Variants in SH3RF1 observed in about 807,000 individuals in gnomAD.
SH3RF1 encodes the protein E3 ubiquitin-protein ligase SH3RF1.
Under a neutral mutation model 74.0 loss-of-function variants are expected in SH3RF1, and 32 were observed. The observed-to-expected ratio is 0.43, with a 90% CI of 0.33 to 0.58. The LOEUF (loss-of-function observed/expected upper bound fraction) is 0.58. Ranked by LOEUF, SH3RF1 falls within the 20% of genes least tolerant of loss-of-function variation. The pLI, the probability that SH3RF1 is intolerant of heterozygous loss-of-function variation, is 0.05. For synonymous variants in SH3RF1, 396 were observed against 439.6 expected, an observed-to-expected ratio of 0.90 and a Z score of 1.24; for missense variants, 954 against 1,130.9, an observed-to-expected ratio of 0.84 and a Z score of 2.24.
At chr4:169,230,984 G>A (rs1250696649) in intron 2 of SH3RF1, among the ~76,000 whole-genome samples, 4 of 152,044 alleles carry the variant, frequency 2.6e-5, no homozygotes, top group African/African-American at 9.7e-5. Context: ...CAGTGTCTTG[G>A]TCCACTCCTG....
At chr4:169,186,995 A>G (rs1192929286) in intron 2 of SH3RF1, among the ~76,000 whole-genome samples, 1 of 147,810 alleles carries the variant, frequency 6.8e-6, no homozygotes, top group East Asian at 2.1e-4. Flanking sequence ...GCCTGGGGAC[A>G]GAGCGAGGCT....
At chr4:169,180,089 C>T (rs76607764) in intron 2 of SH3RF1, among the ~76,000 whole-genome samples, 3 of 152,334 alleles carry the variant, frequency 2.0e-5, no homozygotes, top group Admixed American at 6.5e-5. Flanking sequence ...ACTTGTAGTT[C>T]CAGTGCTGAA....
chr4:169,107,702 C>T (rs1471818478), intron 10 of SH3RF1, among the ~76,000 whole-genome samples: 1 of 152,192 alleles, frequency 6.6e-6, no homozygotes, highest in Non-Finnish European at 1.5e-5. Flanking sequence ...TAAATGTAAA[C>T]CTGACAGCAC....
chr4:169,168,302 T>C (rs1278630487), intron 2 of SH3RF1, among the ~76,000 whole-genome samples: 2 of 152,192 alleles, frequency 1.3e-5, no homozygotes, highest in Non-Finnish European at 2.9e-5. Flanking sequence ...ACAGAAATGA[T>C]TGTACATAAT....
At chr4:169,121,080 T>C in intron 7 of SH3RF1, 91 bp from the exon 8 acceptor site, 6 of 1,022,194 alleles carry the variant, frequency 5.9e-6, no homozygotes, top group Non-Finnish European at 7.5e-6. Flanking sequence ...GTGTTGAACA[T>C]TTTGTACAAA....
At chr4:169,198,357 A>T (rs1020166966) in intron 2 of SH3RF1, among the ~76,000 whole-genome samples, 1 of 45,430 alleles carries the variant, frequency 2.2e-5, no homozygotes, top group Non-Finnish European at 6.6e-5. Context: ...CTACAAATAG[A>T]GTGTTAAATC....
intron 5 of SH3RF1, among the ~76,000 whole-genome samples, chr4:169,135,299 C>G (rs772780653): frequency 4.6e-5 from 7 of 151,960 alleles, no homozygotes; most frequent in Non-Finnish European, 5.9e-5. Flanking sequence ...TTTTGAGGAC[C>G]AGGACTGGTA....
At chr4:169,208,062 T>C (rs1482778381) in intron 2 of SH3RF1, among the ~76,000 whole-genome samples, 1 of 152,102 alleles carries the variant, frequency 6.6e-6, no homozygotes, top group African/African-American at 2.4e-5. Context: ...TAGGATGCTA[T>C]GCACTAGGTA....
chr4:169,230,227 T>C (rs543650706), intron 2 of SH3RF1, among the ~76,000 whole-genome samples: 1 of 152,208 alleles, frequency 6.6e-6, no homozygotes, highest in South Asian at 2.1e-4. Context: ...AAAAACAATG[T>C]TTAATTCAAT....
chr4:169,222,787 A>G (rs1730588852), intron 2 of SH3RF1, among the ~76,000 whole-genome samples: 1 of 152,272 alleles, frequency 6.6e-6, no homozygotes, highest in African/African-American at 2.4e-5. Flanking sequence ...ATTTTGTGAC[A>G]CTTTAACTTT....
intron 2 of SH3RF1, among the ~76,000 whole-genome samples, chr4:169,168,799 A>G (rs2706713): frequency 0.54 from 81,944 of 152,194 alleles, 24,695 homozygotes; most frequent in East Asian, 0.72. Flanking sequence ...TGGCAATCAA[A>G]TCATCTGAGA....
intron 2 of SH3RF1, among the ~76,000 whole-genome samples, chr4:169,213,845 T>C (rs1434778394): frequency 6.6e-6 from 1 of 152,254 alleles, no homozygotes; most frequent in East Asian, 1.9e-4. Context: ...AGTCTATTTC[T>C]GGGCTCTCTA....
At position 169,149,572 on chromosome 4, in the gene SH3RF1, C is replaced by T. The variant is rs184826227; in HGVS notation, c.765+5908G>A. Among the ~76,000 whole-genome samples the T allele has an allele frequency of 8.5e-5, 13 of 152,318 alleles. No homozygotes were observed. In the East Asian group the frequency reaches 2.5e-3, roughly 29 times the overall value. On this transcript the variant is annotated intron_variant, in intron 4 of 11. Coordinates refer to ENST00000284637, the MANE Select transcript of SH3RF1 (RefSeq NM_020870.4). ...TAATTCTCCCTTACTGACTTCTCAA[C>T]AATGTCTTTAAATTTCACTTACAAA...
chr4:169,135,196 T>C (rs890744129), intron 5 of SH3RF1, among the ~76,000 whole-genome samples: 1 of 93,288 alleles, frequency 1.1e-5, no homozygotes, highest in Admixed American at 1.2e-4. Flanking sequence ...CAAACAAACA[T>C]GAGGCTGAGA....
chr4:169,157,747 C>CA (rs1013928555), intron 2 of SH3RF1, among the ~76,000 whole-genome samples: 2 of 144,986 alleles, frequency 1.4e-5, no homozygotes, highest in Non-Finnish European at 3.0e-5. Flanking sequence ...CTTTTTTTTT[C>CA]TTTTTTTTTT....
chr4:169,253,455 A>G (rs974501890), intron 2 of SH3RF1, among the ~76,000 whole-genome samples: 2 of 152,236 alleles, frequency 1.3e-5, no homozygotes, highest in South Asian at 2.1e-4. Context: ...GTCATGTTTC[A>G]TATCACAGCT....
chr4:169,126,661 G>A (rs1175963620), intron 6 of SH3RF1, among the ~76,000 whole-genome samples: 1 of 152,018 alleles, frequency 6.6e-6, no homozygotes, highest in Non-Finnish European at 1.5e-5. Flanking sequence ...ATGGTTTACT[G>A]CAGTCTCAAC....
At chr4:169,222,273 G>A (rs1273888432) in intron 2 of SH3RF1, among the ~76,000 whole-genome samples, 1 of 152,038 alleles carries the variant, frequency 6.6e-6, no homozygotes, top group East Asian at 1.9e-4. Context: ...AGATCAGCCT[G>A]GCCAACATGG....
chr4:169,192,645 C>G (rs1467899251), intron 2 of SH3RF1, among the ~76,000 whole-genome samples: 5 of 151,754 alleles, frequency 3.3e-5, no homozygotes, highest in Non-Finnish European at 5.9e-5. Flanking sequence ...GGTATCTACC[C>G]AAAGGAAAAG....
Sources: gnomAD v4.1 joint callset for allele counts (sites outside exome capture counted in the v4.1 genomes callset) on GRCh38, gnomAD v4.1.1 for gene constraint, MANE v1.5 for transcripts, NCBI Gene and HGNC (gene_info 2026-07-23, HGNC 2026-07-21) for gene names.